ZNF787: variants seen among roughly 807,000 people sequenced by gnomAD.
The protein encoded by ZNF787 is TTF-I-interacting peptide 20.
ZNF787 carries 7 observed loss-of-function variants against 16.9 expected under a neutral mutation model. The observed-to-expected ratio is 0.42, with a 90% CI of 0.24 to 0.78. The LOEUF (loss-of-function observed/expected upper bound fraction) is 0.78. Among genes scored for constraint, ZNF787 ranks in the 30% least tolerant of loss-of-function variants. The pLI is 0.30. For synonymous variants in ZNF787, 345 were observed against 270.9 expected (o/e 1.27, Z -2.69); for missense variants, 551 against 589.3 (o/e 0.94, Z 0.67).
chr19:56,097,684 T>A (rs1452644429), intron 2 of ZNF787, among the ~76,000 whole-genome samples: 1 of 152,242 alleles, frequency 6.6e-6, no homozygotes, highest in Non-Finnish European at 1.5e-5. Context: ...TGTTCCTGCG[T>A]GCAGGCACGG....
chr19:56,098,440 G>A (rs1599945680), intron 2 of ZNF787, among the ~76,000 whole-genome samples: 1 of 151,854 alleles, frequency 6.6e-6, no homozygotes, highest in African/African-American at 2.4e-5. Context: ...TAATACGGCC[G>A]CAGGGTGATA....
At chr19:56,093,078 A>G (rs1209114781) in intron 2 of ZNF787, among the ~76,000 whole-genome samples, 1 of 143,510 alleles carries the variant, frequency 7.0e-6, no homozygotes, top group Non-Finnish European at 1.5e-5. Context: ...GACACGGGGT[A>G]GCGGAAGTGG....
At chr19:56,098,971 C>T (rs1183607104) in intron 2 of ZNF787, among the ~76,000 whole-genome samples, 1 of 152,190 alleles carries the variant, frequency 6.6e-6, no homozygotes, top group Non-Finnish European at 1.5e-5. Context: ...CCACCTGGGG[C>T]TGAGGCACTG....
chr19:56,111,249 T>A (rs1300604748), intron 1 of ZNF787, among the ~76,000 whole-genome samples: 1 of 151,922 alleles, frequency 6.6e-6, no homozygotes, highest in Non-Finnish European at 1.5e-5. Flanking sequence ...GCACCTGGAA[T>A]GGCGCCAGGA....
At chr19:56,095,026 A>C (rs1306426273) in intron 2 of ZNF787, among the ~76,000 whole-genome samples, 1 of 152,194 alleles carries the variant, frequency 6.6e-6, no homozygotes, top group African/African-American at 2.4e-5. Flanking sequence ...AGGCAGGAGA[A>C]TCACTTGAAC....
Position 56,088,037 on chromosome 19 carries a change from C to T in ZNF787, c.1135G>A (p.Gly379Arg). The change falls in exon 3 of 3, where the codon GGG becomes AGG. Residue 379 changes from glycine (G) to arginine (R), a missense_variant. Gly to Arg is a moderately radical substitution (Grantham distance 125). Coordinates refer to ENST00000610935, the MANE Select transcript of ZNF787 (RefSeq NM_001002836.4). This position sits in a 1 kb window ranked among gnomAD's most constrained non-coding sequence, Gnocchi z 8.6. ...GGGCCCCTCCCCTACCGGCCCTCCC[C>T]ACCGCGGCACTCGGGGCACCGCCCG... is the stretch of plus-strand genomic sequence containing the variant. ...AGGRCPECRGGEGR is the reference protein window; with the variant it reads ...AGGRCPECRGREGR 3.1e-6 allele frequency: 4 copies of T among 1,309,246 alleles called. No individual in the cohort carries two copies. The South Asian group carries it at 7.7e-5, about 25-fold the overall frequency. The allele number at this position is 1,309,246 out of a possible 1,614,324, so 81.1% of individuals were successfully genotyped here. A position where few individuals can be genotyped will look rare whatever the true frequency, so the allele number is the denominator to read the frequency against.
At chr19:56,096,442 G>A (rs1985877562) in intron 2 of ZNF787, among the ~76,000 whole-genome samples, 1 of 151,076 alleles carries the variant, frequency 6.6e-6, no homozygotes, top group African/African-American at 2.4e-5. Context: ...GAGATAGGCT[G>A]GGCCGCTCAT....
chr19:56,118,453 G>T (rs1281125032), intron 1 of ZNF787, among the ~76,000 whole-genome samples: 5 of 152,226 alleles, frequency 3.3e-5, no homozygotes. Flanking sequence ...GGCGGAAGGG[G>T]GCGGTTGTGA....
intron 2 of ZNF787, chr19:56,101,504 A>G (rs1335582100): frequency 6.6e-6 from 1 of 152,306 alleles, no homozygotes; most frequent in African/African-American, 2.4e-5. Context: ...TGACTTGTAA[A>G]ATTAAAGATG....
chr19:56,100,451 T>C (rs547914311), intron 2 of ZNF787, among the ~76,000 whole-genome samples: 152 of 152,122 alleles, frequency 1.0e-3, no homozygotes, highest in Non-Finnish European at 2.0e-3. Flanking sequence ...TGGACGCTAA[T>C]TCCGCAGAAG....
At chr19:56,108,515 G>C (rs1008406419) in intron 1 of ZNF787, among the ~76,000 whole-genome samples, 7 of 151,900 alleles carry the variant, frequency 4.6e-5, no homozygotes, top group African/African-American at 1.7e-4. Context: ...TGCTCCACCT[G>C]CCTGCCTTTC....
intron 2 of ZNF787, among the ~76,000 whole-genome samples, chr19:56,089,678 G>T (rs970159143): frequency 2.6e-5 from 4 of 152,164 alleles, no homozygotes; most frequent in African/African-American, 9.7e-5. Context: ...CCCCACCTCC[G>T]AACCTGGGAG....
At chr19:56,117,550 C>T (rs946336089) in intron 1 of ZNF787, among the ~76,000 whole-genome samples, 4 of 152,268 alleles carry the variant, frequency 2.6e-5, no homozygotes, top group Non-Finnish European at 2.9e-5. Flanking sequence ...AGAGCCACAA[C>T]GTAGGAGGCT....
chr19:56,089,000 G>T lies in ZNF787; in HGVS notation c.172C>A (p.Pro58Thr), dbSNP rs892513084. 1.3e-6 allele frequency: 2 copies of T among 1,494,486 alleles called. No homozygotes were observed. The highest frequency in any genetic ancestry group is 2.4e-5 in the East Asian group (1 of 41,280). 92.6% of individuals were successfully genotyped at this position (1,494,486 alleles called of 1,614,324 possible). A position where few individuals can be genotyped will look rare whatever the true frequency, so the allele number is the denominator to read the frequency against. Residue 58 changes from proline to threonine, a missense_variant, in exon 3 of 3, where the codon CCC (proline) becomes ACC (threonine). Around this residue, in one of 4 missense-constraint regions of ZNF787, gnomAD observed 80 missense variants for 105.9 expected, o/e 0.76. Transcript: ENST00000610935. This position sits in a 1 kb window ranked among gnomAD's most constrained non-coding sequence, Gnocchi z 8.6. ...TAGGGGGCGGGCGGCCGCGGCCGGG[G>T]AGGCGGGCCGGCTGGGGGCGCAGAC... The part of the protein sequence containing the change: ...PQSAPPAGPP[P>T]RPRPPAPYIC...
chr19:56,098,370 T>A (rs1985948810), intron 2 of ZNF787, among the ~76,000 whole-genome samples: 1 of 152,110 alleles, frequency 6.6e-6, no homozygotes. Flanking sequence ...CCTCTCACAC[T>A]CCTCAGAAGG....
intron 1 of ZNF787, among the ~76,000 whole-genome samples, chr19:56,105,719 T>C (rs1390972328): frequency 4.6e-5 from 7 of 152,198 alleles, no homozygotes; most frequent in African/African-American, 1.7e-4. Flanking sequence ...CACTTCTTTA[T>C]TAAAACAGCT....
At chr19:56,104,636 A>G (rs559213012) in intron 1 of ZNF787, among the ~76,000 whole-genome samples, 2 of 151,940 alleles carry the variant, frequency 1.3e-5, no homozygotes, top group Admixed American at 1.3e-4. Context: ...CCATGCACCA[A>G]GAGGATCTCT....
At chr19:56,089,124 CAA>C in intron 2 of ZNF787, 32 bp from the exon 3 acceptor site, 1 of 1,415,964 alleles carries the variant, frequency 7.1e-7, no homozygotes, top group Non-Finnish European at 9.2e-7. Context: ...GGAGGTGAGT[CAA>C]GAGAGGCAAG....
chr19:56,116,026 C>T (rs904185613), intron 1 of ZNF787, among the ~76,000 whole-genome samples: 5 of 152,070 alleles, frequency 3.3e-5, no homozygotes, highest in East Asian at 1.9e-4. Flanking sequence ...TCACAAAACG[C>T]GCTGCCCTGG....
Sources: gnomAD v4.1 joint callset for allele counts (sites outside exome capture counted in the v4.1 genomes callset) on GRCh38, gnomAD v4.1.1 for gene constraint, gnomAD v4.1.1 regional missense constraint, Gnocchi (gnomAD v3.1) non-coding constraint, MANE v1.5 for transcripts, NCBI Gene and HGNC (gene_info 2026-07-23, HGNC 2026-07-21) for gene names.